ZFYVE9: variants seen among roughly 807,000 people sequenced by gnomAD.
ZFYVE9 encodes the protein zinc finger FYVE domain-containing protein 9.
Under a neutral mutation model 126.7 loss-of-function variants are expected in ZFYVE9, and 43 were observed. The ratio of observed to expected loss-of-function variants is 0.34; its 90% CI spans 0.27 to 0.44. ZFYVE9 has a LOEUF of 0.44. Ranked by LOEUF, ZFYVE9 falls within the 20% of genes least tolerant of loss-of-function variation. The pLI, the probability that ZFYVE9 is intolerant of heterozygous loss-of-function variation, is 1.00. For synonymous variants in ZFYVE9, 521 were observed against 597.4 expected, an observed-to-expected ratio of 0.87 and a Z score of 1.87; for missense variants, 1,476 against 1,697.0, an observed-to-expected ratio of 0.87 and a Z score of 2.29.
intron 13 of ZFYVE9, among the ~76,000 whole-genome samples, chr1:52,323,528 A>G (rs930543694): frequency 3.3e-5 from 5 of 152,220 alleles, no homozygotes; most frequent in African/African-American, 4.8e-5. Context: ...TAGATACTCA[A>G]TGCCCATTGG....
At chr1:52,230,216 A>C (rs1361216105) in intron 2 of ZFYVE9, among the ~76,000 whole-genome samples, 2 of 151,936 alleles carry the variant, frequency 1.3e-5, no homozygotes, top group Non-Finnish European at 2.9e-5. Flanking sequence ...AAAAGGAAAA[A>C]ACTCAGCAAA....
At chr1:52,326,372 CTTA>C (rs1433539960) in intron 13 of ZFYVE9, among the ~76,000 whole-genome samples, 1 of 152,068 alleles carries the variant, frequency 6.6e-6, no homozygotes, top group Non-Finnish European at 1.5e-5. Flanking sequence ...TAAAAGAGTA[CTTA>C]TTATATGTTT....
At chr1:52,158,773 A>G (rs988554826) in intron 1 of ZFYVE9, among the ~76,000 whole-genome samples, 21 of 150,922 alleles carry the variant, frequency 1.4e-4, no homozygotes, top group Admixed American at 1.1e-3. Context: ...AGCCTGGGCA[A>G]TCTAACAGCT....
intron 9 of ZFYVE9, among the ~76,000 whole-genome samples, chr1:52,279,661 G>T (rs529341010): frequency 1.2e-3 from 183 of 152,204 alleles, no homozygotes; most frequent in African/African-American, 4.3e-3. Flanking sequence ...AGAGACAGGA[G>T]TCTCACCATG....
In ZFYVE9 at chr1:52,170,117, A is replaced by G. The variant is rs548446871; in HGVS notation, c.-143+27714A>G. Among the ~76,000 whole-genome samples the G allele has an allele frequency of 3.9e-5, 6 of 152,302 alleles. No individual in the cohort carries two copies. The East Asian group carries it at 1.2e-3, about 29-fold the overall frequency. ...TCAAAGCTTTTCATGAAGTCTTGTT[A>G]GATAATTCTAAGCTGTAATAATTGT... On this transcript the variant is annotated intron_variant, in intron 1 of 18. Coordinates refer to ENST00000287727, the MANE Select transcript of ZFYVE9 (RefSeq NM_004799.4).
intron 2 of ZFYVE9, among the ~76,000 whole-genome samples, chr1:52,218,782 T>A (rs1478705864): frequency 6.6e-6 from 1 of 152,134 alleles, no homozygotes; most frequent in Non-Finnish European, 1.5e-5. Flanking sequence ...GAGAAATGGT[T>A]TGATTTTTGT....
intron 1 of ZFYVE9, chr1:52,162,352 GCCGCCTTTGCCA>G: frequency 2.7e-6 from 1 of 376,138 alleles, no homozygotes; most frequent in South Asian, 2.7e-5. Flanking sequence ...CACCTCCACT[GCCGCCTTTGCCA>G]CCACCTCCGC....
chr1:52,165,247 A>G (rs771437411), intron 1 of ZFYVE9, among the ~76,000 whole-genome samples: 13 of 152,188 alleles, frequency 8.5e-5, no homozygotes, highest in Non-Finnish European at 1.8e-4. Flanking sequence ...AAATACTGAA[A>G]GAATTTTTAT....
intron 10 of ZFYVE9, among the ~76,000 whole-genome samples, chr1:52,290,707 T>C (rs1185972482): frequency 6.6e-6 from 1 of 152,178 alleles, no homozygotes; most frequent in African/African-American, 2.4e-5. Flanking sequence ...AGAAAAAATG[T>C]AAATTTACTT....
Position 52,160,681 on chromosome 1 carries a change from T to G in ZFYVE9, c.-143+18278T>G, listed in dbSNP as rs113715573. On this transcript the variant is annotated intron_variant, in intron 1 of 18. Coordinates refer to ENST00000287727, the MANE Select transcript of ZFYVE9 (RefSeq NM_004799.4). ...CGCCTGCGTCGGCCTCCTGCAGTGCTGGGATTACAGGCGTGAGCCACTGTG... is the reference window on the plus strand; with the variant it reads ...CGCCTGCGTCGGCCTCCTGCAGTGCGGGGATTACAGGCGTGAGCCACTGTG... 1,963 of 559,496 alleles carry G rather than the reference T, an allele frequency of 3.5e-3. 45 individuals carry two copies. Among genetic ancestry groups the G allele is most frequent in the African/African-American group, 0.034 (1,818 of 52,822 alleles). 34.7% of individuals were successfully genotyped at this position (559,496 alleles called of 1,614,324 possible). A position where few individuals can be genotyped will look rare whatever the true frequency, so the allele number is the denominator to read the frequency against.
At chr1:52,321,909 C>T (rs1355660863) in intron 13 of ZFYVE9, among the ~76,000 whole-genome samples, 1 of 152,168 alleles carries the variant, frequency 6.6e-6, no homozygotes, top group Admixed American at 6.5e-5. Context: ...TATACATTTC[C>T]TTGGTAATCT....
At chr1:52,284,674 C>T (rs1395707297) in intron 10 of ZFYVE9, among the ~76,000 whole-genome samples, 1 of 152,142 alleles carries the variant, frequency 6.6e-6, no homozygotes, top group Non-Finnish European at 1.5e-5. Context: ...CCGCCTCGGC[C>T]TCCGAAAGTG....
At chr1:52,270,408 C>T (rs573316810) in intron 7 of ZFYVE9, among the ~76,000 whole-genome samples, 38 of 152,154 alleles carry the variant, frequency 2.5e-4, no homozygotes, top group African/African-American at 8.4e-4. Flanking sequence ...GGACAACAGG[C>T]GCCCGCCACC....
Position 52,332,964 on chromosome 1 carries a change from TG to T in ZFYVE9, c.3589+48del, listed in dbSNP as rs369838408. 653 of 1,611,310 alleles carry T rather than the reference TG, an allele frequency of 4.1e-4. 8 individuals carry two copies. The East Asian group carries it at 0.014, about 36-fold the overall frequency. ...AGATTATGATAATGGAAAATTATAC[TG>T]GACTTGGACAGTTAGATACCTCAGT... On this transcript the variant is annotated intron_variant, in intron 14 of 18. Coordinates refer to ENST00000287727, the MANE Select transcript of ZFYVE9 (RefSeq NM_004799.4).
chr1:52,214,007 C>A (rs750275040), intron 1 of ZFYVE9, among the ~76,000 whole-genome samples: 20 of 152,162 alleles, frequency 1.3e-4, no homozygotes, highest in Admixed American at 3.9e-4. Flanking sequence ...CTTTCCCCTT[C>A]ATCCTGCAGG....
At chr1:52,296,496 T>A (rs1454041201) in intron 12 of ZFYVE9, among the ~76,000 whole-genome samples, 2 of 152,258 alleles carry the variant, frequency 1.3e-5, no homozygotes, top group East Asian at 3.9e-4. Context: ...ACTTCATTGT[T>A]TTCCTTTCTT....
At chr1:52,296,300 A>C (rs1264084944) in intron 12 of ZFYVE9, among the ~76,000 whole-genome samples, 1 of 152,066 alleles carries the variant, frequency 6.6e-6, no homozygotes, top group African/African-American at 2.4e-5. Flanking sequence ...GACTAGAAGT[A>C]ATACATAAAT....
At chr1:52,286,156 C>CAA (rs370860277) in intron 10 of ZFYVE9, among the ~76,000 whole-genome samples, 45 of 90,576 alleles carry the variant, frequency 5.0e-4, no homozygotes, top group Admixed American at 3.7e-3. Flanking sequence ...GACTCTGTCT[C>CAA]AAAAAAAAAA....
At chr1:52,264,955 C>T (rs964102157) in intron 5 of ZFYVE9, among the ~76,000 whole-genome samples, 3 of 152,124 alleles carry the variant, frequency 2.0e-5, no homozygotes, top group Admixed American at 6.5e-5. Context: ...GATTTTTATT[C>T]TGCTGCTTTC....
Sources: gnomAD v4.1 joint callset for allele counts (sites outside exome capture counted in the v4.1 genomes callset) on GRCh38, gnomAD v4.1.1 for gene constraint, MANE v1.5 for transcripts, NCBI Gene and HGNC (gene_info 2026-07-23, HGNC 2026-07-21) for gene names.